COL3A1: variants seen among roughly 807,000 people sequenced by gnomAD.
COL3A1 encodes the protein collagen alpha-1(III) chain.
Under a neutral mutation model 200.9 loss-of-function variants are expected in COL3A1, and 46 were observed. The observed-to-expected ratio is 0.23, with a 90% confidence interval of 0.18 to 0.29. The LOEUF is 0.29. Among genes scored for constraint, COL3A1 ranks in the 10% least tolerant of loss-of-function variants. The probability of loss-of-function intolerance (pLI) is 1.00; values close to 1 mark genes in which losing one functional copy is unlikely to be tolerated. For missense variants in COL3A1, 1,367 were observed against 1,917.6 expected (o/e 0.71, Z 5.36); for synonymous variants, 650 against 628.0 (o/e 1.03, Z -0.52).
chr2:188,974,978 A>T (rs926710900), intron 1 of COL3A1, among the ~76,000 whole-genome samples: 1 of 152,202 alleles, frequency 6.6e-6, no homozygotes, highest in Non-Finnish European at 1.5e-5. Context: ...AATATTGAGC[A>T]TTGTTTTCTG....
rs970983903 is a variant in COL3A1 at position 189,010,160 on chromosome 2, T to C, written c.3824-18T>C. 8.1e-6 allele frequency: 13 copies of C among 1,613,086 alleles called. No individual in the cohort carries two copies. The African/African-American group carries it at 1.6e-4, about 20-fold the overall frequency. On this transcript the variant is annotated intron_variant, in intron 48 of 50. Coordinates refer to ENST00000304636, the MANE Select transcript of COL3A1 (RefSeq NM_000090.4). ...TGGATTTTATAACCAATTCCCATTC[T>C]TTTTTGTGACTATTCAGGAGAATAC...
intron 2 of COL3A1, 52 bp downstream of exon 2, chr2:188,985,014 A>T: frequency 2.6e-6 from 4 of 1,550,250 alleles, no homozygotes; most frequent in Non-Finnish European, 3.6e-6. Flanking sequence ...TAGACACATG[A>T]ATAGCTCCTA....
rs1036290349 is a variant in COL3A1, at chr2:189,012,218, T to G, written c.*444T>G. On this transcript the variant is annotated 3_prime_UTR_variant, in exon 51 of 51. Transcript: ENST00000304636. ...GGTCAGAAACACAGATTGTATTCTA[T>G]GAGTCCCAGAAGATGAAAAAAATTT... The G allele has an allele frequency of 1.2e-5, 2 of 160,142 alleles. No individual in the cohort carries two copies. The highest frequency in any genetic ancestry group is 2.7e-5 in the Non-Finnish European group (2 of 72,750). The allele number at this position is 160,142 out of a possible 1,614,324, so 9.9% of individuals were successfully genotyped here.
At chr2:188,997,802 T>C (rs1187308030) in intron 27 of COL3A1, 49 bp downstream of exon 27, 1 of 1,517,478 alleles carries the variant, frequency 6.6e-7, no homozygotes, top group African/African-American at 1.4e-5. Flanking sequence ...TGTCAAATTT[T>C]TTTGTGTCCC....
At chr2:188,988,471 A>G in intron 6 of COL3A1, 119 bp from the exon 7 acceptor site, 1 of 742,738 alleles carries the variant, frequency 1.3e-6, no homozygotes, top group Non-Finnish European at 2.3e-6. Flanking sequence ...CTCAATATTT[A>G]TAAACTGGAG....
chr2:188,975,986 C>CT (rs959378888), intron 1 of COL3A1, among the ~76,000 whole-genome samples: 3 of 151,638 alleles, frequency 2.0e-5, no homozygotes, highest in African/African-American at 7.3e-5. Context: ...GCCTCCATTT[C>CT]TTTTTTTTAG....
Position 188,992,948 on chromosome 2 carries a change from T to A in COL3A1, c.1050+8T>A. On this transcript the variant is annotated splice_region_variant and intron_variant, in intron 15 of 50. Transcript: ENST00000304636. The stretch of plus-strand genomic sequence containing the variant: ...GGATCCCCTGGTGCTAAGGTAAACA[T>A]GTGTTTCTATAGAAGGGTATAAAAA... 1 of 1,613,184 alleles carries A rather than the reference T, an allele frequency of 6.2e-7. No homozygotes were observed. The highest frequency in any genetic ancestry group is 8.5e-7 in the Non-Finnish European group (1 of 1,179,282).
rs757034411 is a variant in COL3A1, at chr2:189,006,194, T to C, written c.3040-12T>C. ...TCAAGAAATTTTATTTCCTTTCTCA[T>C]TTTTTAATCAGGGAAACCCTGGATC... On this transcript the variant is annotated splice_polypyrimidine_tract_variant and intron_variant, in intron 41 of 50. Transcript: ENST00000304636. 20 of 1,613,924 alleles carry C rather than the reference T, an allele frequency of 1.2e-5. No homozygotes were observed. The highest frequency in any genetic ancestry group is 2.7e-5 in the African/African-American group (2 of 74,926).
chr2:189,007,482 C>G lies in COL3A1; in HGVS notation c.3256-18C>G, dbSNP rs988209116. The G allele has an allele frequency of 6.3e-7, 1 of 1,597,846 alleles. No individual in the cohort carries two copies. The highest frequency in any genetic ancestry group is 8.6e-7 in the Non-Finnish European group (1 of 1,168,710). On this transcript the variant is annotated intron_variant, in intron 44 of 50. Coordinates refer to ENST00000304636, the MANE Select transcript of COL3A1 (RefSeq NM_000090.4). ...TGTATGTGTGTATATGACTTCAATTCAAAATATGTTTCTAAAGGGTCCTCA... is the reference window on the plus strand; with the variant it reads ...TGTATGTGTGTATATGACTTCAATTGAAAATATGTTTCTAAAGGGTCCTCA...
At position 188,991,665 on chromosome 2, in the gene COL3A1, G is replaced by A. The variant is rs1366309809; in HGVS notation, c.898-4G>A. The A allele has an allele frequency of 6.2e-7, 1 of 1,613,918 alleles. No homozygotes were observed. Among genetic ancestry groups the A allele is most frequent in the Admixed American group, 1.7e-5 (1 of 59,996 alleles). On this transcript the variant is annotated splice_region_variant and splice_polypyrimidine_tract_variant and intron_variant, in intron 12 of 50. Coordinates refer to ENST00000304636, the MANE Select transcript of COL3A1 (RefSeq NM_000090.4). ...TAAAACCATATTTCAATTTTACTCT[G>A]TAGGGTCCAAGAGGGGCTCCTGGTG...
intron 5 of COL3A1, 32 bp from the exon 6 acceptor site, chr2:188,988,045 CATTT>C: frequency 6.6e-7 from 1 of 1,513,226 alleles, no homozygotes; most frequent in Non-Finnish European, 9.2e-7. Context: ...ATTTTGCATT[CATTT>C]ATTTTGTTTT....
At chr2:188,996,554 A>T in intron 24 of COL3A1, 58 bp downstream of exon 24, 1 of 1,412,000 alleles carries the variant, frequency 7.1e-7, no homozygotes, top group African/African-American at 1.4e-5. Context: ...TTTATTTTCC[A>T]TATGGAGTAA....
rs149522780 is a variant in COL3A1, at chr2:189,010,318, G to C, written c.3964G>C (p.Glu1322Gln). ...RKHWWTDSSA[E>Q]KKHVWFGESM... ...ACACTGGTGGACAGATTCTAGTGCT[G>C]AGAAGAAACACGTTTGGTTTGGAGA... Residue 1322 changes from glutamate (E) to glutamine (Q), a missense_variant, in exon 49 of 51, where the codon GAG (glutamate) becomes CAG (glutamine). By Grantham distance (29) the Glu-to-Gln change is conservative. Transcript: ENST00000304636. 6.2e-7 allele frequency: 1 copy of C among 1,614,146 alleles called. No homozygotes were observed. The highest frequency in any genetic ancestry group is 8.5e-7 in the Non-Finnish European group (1 of 1,180,002).
In COL3A1 at chr2:188,996,430, T is replaced by G; in HGVS notation, c.1695T>G (p.Pro565=). The G allele has an allele frequency of 6.2e-7, 1 of 1,613,970 alleles. No homozygotes were observed. Among genetic ancestry groups the G allele is most frequent in the Non-Finnish European group, 8.5e-7 (1 of 1,179,980 alleles). The change falls in exon 24 of 51, where the codon CCT becomes CCG. Residue 565 remains proline, a synonymous_variant. Coordinates refer to ENST00000304636, the MANE Select transcript of COL3A1 (RefSeq NM_000090.4). ...GSQGESGRPG[P]PGPSGPRGQP... is the part of the protein sequence containing the mutation. Reference sequence around the variant, plus strand: ...AAGGAGAAAGTGGTCGACCAGGTCCTCCTGGGCCATCTGGTCCCCGAGGTC... The same window carrying G: ...AAGGAGAAAGTGGTCGACCAGGTCCGCCTGGGCCATCTGGTCCCCGAGGTC...
chr2:189,005,385 T>G lies in COL3A1; in HGVS notation c.2967T>G (p.Ser989Arg). The change falls in exon 41 of 51, where the codon AGT (serine) becomes AGG (arginine). Residue 989 changes from serine to arginine, a missense_variant. This residue lies in a region of COL3A1 where 846 missense variants were observed against 1,147.9 expected (regional missense o/e 0.74). Coordinates refer to ENST00000304636, the MANE Select transcript of COL3A1 (RefSeq NM_000090.4). ...ESGKPGANGL[S>R]GERGPPGPQG... ...GGAAACCAGGAGCTAACGGTCTCAG[T>G]GGAGAACGTGGTCCCCCTGGACCCC... 1 of 1,614,120 alleles carries G rather than the reference T, an allele frequency of 6.2e-7. No individual in the cohort carries two copies. Among genetic ancestry groups the G allele is most frequent in the South Asian group, 1.1e-5 (1 of 91,082 alleles).
chr2:189,006,533 G>A, intron 43 of COL3A1, 81 bp downstream of exon 43: 1 of 1,362,248 alleles, frequency 7.3e-7, no homozygotes, highest in Non-Finnish European at 1.0e-6. Flanking sequence ...TAGAATGTCA[G>A]ATCTGCCAAC....
intron 4 of COL3A1, 68 bp downstream of exon 4, chr2:188,985,846 G>A (rs2153501493): frequency 4.9e-6 from 5 of 1,023,404 alleles, no homozygotes; most frequent in South Asian, 4.0e-5. Flanking sequence ...TTCTTTACTC[G>A]ATATTACGTC....
At position 189,007,942 on chromosome 2, in the gene COL3A1, A is replaced by G; in HGVS notation, c.3417+4A>G. ...TCCAGGACCTGCAGGCCCCAGAGTA[A>G]GTAGCACAGAAAGATATTACAGGTC... On this transcript the variant is annotated splice_donor_region_variant and intron_variant, in intron 46 of 50. Coordinates refer to ENST00000304636, the MANE Select transcript of COL3A1 (RefSeq NM_000090.4). 1 of 1,614,162 alleles carries G rather than the reference A, an allele frequency of 6.2e-7. No homozygotes were observed. Among genetic ancestry groups the G allele is most frequent in the Non-Finnish European group, 8.5e-7 (1 of 1,180,022 alleles).
intron 45 of COL3A1, 125 bp from the exon 46 acceptor site, chr2:189,007,760 G>A (rs1019448260): frequency 5.5e-6 from 7 of 1,283,584 alleles, no homozygotes; most frequent in Non-Finnish European, 7.9e-6. Context: ...ATGACACAAT[G>A]GGAAGATTAA....
Sources: gnomAD v4.1 joint callset for allele counts (sites outside exome capture counted in the v4.1 genomes callset) on GRCh38, gnomAD v4.1.1 for gene constraint, gnomAD v4.1.1 regional missense constraint, MANE v1.5 for transcripts, NCBI Gene and HGNC (gene_info 2026-07-23, HGNC 2026-07-21) for gene names.